LRRC7: variants seen among roughly 807,000 people sequenced by gnomAD.
LRRC7 encodes leucine rich repeat containing 7.
Under a neutral mutation model 175.7 loss-of-function variants are expected in LRRC7, and 23 were observed. The ratio of observed to expected loss-of-function variants is 0.13; its 90% CI spans 0.09 to 0.19. LRRC7 has a LOEUF of 0.19. LRRC7 is among the 10% of genes least tolerant of loss of function. The pLI is 1.00. For synonymous variants in LRRC7, 685 were observed against 680.9 expected (o/e 1.01, Z -0.09); for missense variants, 1,354 against 1,904.7 (o/e 0.71, Z 5.38).
At chr1:70,028,037 T>TAACA in intron 17 of LRRC7, 134 bp from the exon 18 acceptor site, 2 of 760,636 alleles carry the variant, frequency 2.6e-6, no homozygotes, top group Non-Finnish European at 2.2e-6. Flanking sequence ...TCCTACTCTA[T>TAACA]AACAGAGTTT....
chr1:69,638,097 T>C (rs927806042), intron 1 of LRRC7, among the ~76,000 whole-genome samples: 90 of 152,018 alleles, frequency 5.9e-4, no homozygotes, highest in African/African-American at 2.1e-3. Context: ...CAAATATTTC[T>C]TAGAGAATAG....
chr1:70,096,997 T>G lies in LRRC7; in HGVS notation c.4545+7178T>G, dbSNP rs552101530. ...TGTGGCATAATTATCCTCCTTTAAATACACTGTCAGTCTCAGATGTGTACA... is the reference window on the plus strand; with the variant it reads ...TGTGGCATAATTATCCTCCTTTAAAGACACTGTCAGTCTCAGATGTGTACA... On this transcript the variant is annotated intron_variant, in intron 25 of 26. Transcript: ENST00000651989. Among the ~76,000 whole-genome samples the G allele has an allele frequency of 7.9e-5, 12 of 152,360 alleles. No individual in the cohort carries two copies. The South Asian group carries it at 1.9e-3, about 24-fold the overall frequency.
intron 8 of LRRC7, among the ~76,000 whole-genome samples, chr1:69,963,194 A>G (rs769514570): frequency 1.3e-4 from 19 of 151,752 alleles, no homozygotes; most frequent in Non-Finnish European, 2.4e-4. Context: ...AATCCCAGCT[A>G]CTTGGGAGGC....
At chr1:70,034,892 C>T (rs1204174353) in intron 18 of LRRC7, among the ~76,000 whole-genome samples, 1 of 152,124 alleles carries the variant, frequency 6.6e-6, no homozygotes, top group Non-Finnish European at 1.5e-5. Context: ...AAAGATAGAA[C>T]TTAAACCAAG....
intron 7 of LRRC7, among the ~76,000 whole-genome samples, chr1:69,876,422 T>C (rs1686049301): frequency 6.6e-6 from 1 of 152,178 alleles, no homozygotes; most frequent in African/African-American, 2.4e-5. Context: ...AGACTGATAG[T>C]CTATATTTAT....
chr1:69,784,006 T>A, intron 3 of LRRC7, among the ~76,000 whole-genome samples: 1 of 152,108 alleles, frequency 6.6e-6, no homozygotes, highest in South Asian at 2.1e-4. Flanking sequence ...CCAAAAGCCA[T>A]GAACAATAGA....
intron 1 of LRRC7, among the ~76,000 whole-genome samples, chr1:69,644,794 C>G (rs1654763706): frequency 6.6e-6 from 1 of 151,876 alleles, no homozygotes; most frequent in African/African-American, 2.4e-5. Context: ...GCATCATTAA[C>G]AGATTAGGCT....
intron 1 of LRRC7, among the ~76,000 whole-genome samples, chr1:69,672,286 C>T (rs992669771): frequency 5.9e-5 from 9 of 152,110 alleles, no homozygotes; most frequent in Non-Finnish European, 1.3e-4. Flanking sequence ...AGTTCAGTTC[C>T]TCAGTCATAC....
At chr1:69,605,990 C>CT (rs1235399733) in intron 1 of LRRC7, among the ~76,000 whole-genome samples, 4 of 152,066 alleles carry the variant, frequency 2.6e-5, no homozygotes, top group Non-Finnish European at 5.9e-5. Flanking sequence ...CTAAAAGTCA[C>CT]TTTTTTATCT....
chr1:69,909,158 T>C (rs1162381807), intron 7 of LRRC7, among the ~76,000 whole-genome samples: 17 of 152,192 alleles, frequency 1.1e-4, no homozygotes, highest in Admixed American at 1.1e-3. Context: ...TGAGCCTATG[T>C]GTGTCTCTGC....
chr1:69,976,087 A>G (rs1291212298), intron 8 of LRRC7, among the ~76,000 whole-genome samples: 1 of 151,892 alleles, frequency 6.6e-6, no homozygotes, highest in African/African-American at 2.4e-5. Flanking sequence ...ATTTATCTTC[A>G]GCTCACTGTA....
intron 23 of LRRC7, among the ~76,000 whole-genome samples, chr1:70,067,191 C>T (rs1185644241): frequency 1.3e-5 from 2 of 152,024 alleles, no homozygotes; most frequent in Non-Finnish European, 2.9e-5. Flanking sequence ...GTACTATCCT[C>T]TATCAGATAC....
At chr1:70,082,437 G>A (rs1663271057) in intron 24 of LRRC7, among the ~76,000 whole-genome samples, 1 of 152,022 alleles carries the variant, frequency 6.6e-6, no homozygotes, top group Non-Finnish European at 1.5e-5. Context: ...CTTCAGTTCT[G>A]AATTTGTAAT....
intron 1 of LRRC7, among the ~76,000 whole-genome samples, chr1:69,570,608 AG>A (rs1235259893): frequency 6.6e-6 from 1 of 152,148 alleles, no homozygotes; most frequent in Admixed American, 6.5e-5. Flanking sequence ...GCCTCCGTCC[AG>A]GCTTCCTTGA....
chr1:69,684,935 T>A (rs1275651485), intron 2 of LRRC7, among the ~76,000 whole-genome samples: 1 of 152,164 alleles, frequency 6.6e-6, no homozygotes, highest in Non-Finnish European at 1.5e-5. Flanking sequence ...TGGGCAGACC[T>A]ATCTGGTGGT....
At chr1:69,657,303 T>G (rs227112) in intron 1 of LRRC7, among the ~76,000 whole-genome samples, 4,071 of 152,030 alleles carry the variant, frequency 0.027, 73 homozygotes, top group Non-Finnish European at 0.043. Context: ...TATAATTATT[T>G]AAGACAACAA....
At chr1:70,010,748 A>G (rs368977883) in intron 11 of LRRC7, among the ~76,000 whole-genome samples, 87 of 152,320 alleles carry the variant, frequency 5.7e-4, no homozygotes, top group African/African-American at 1.9e-3. Flanking sequence ...GCCAACTGCA[A>G]TGTATCTGGT....
intron 3 of LRRC7, among the ~76,000 whole-genome samples, chr1:69,786,423 T>A (rs1674427492): frequency 6.6e-6 from 1 of 152,086 alleles, no homozygotes; most frequent in Non-Finnish European, 1.5e-5. Flanking sequence ...CTCCATTCTT[T>A]CCCTTCCTTT....
rs546251146 is a variant in LRRC7, at chr1:69,582,646, A to G, written c.2+14005A>G. 2.0e-5 allele frequency among the ~76,000 whole-genome samples: 3 copies of G among 152,342 alleles called. No homozygotes were observed. In the East Asian group the frequency reaches 5.8e-4, roughly 29 times the overall value. ...GTGATGCCATCAGGAACTCCAAGTCATTCCAAATCTTTATCTATTTCTTTG... is the reference window on the plus strand; with the variant it reads ...GTGATGCCATCAGGAACTCCAAGTCGTTCCAAATCTTTATCTATTTCTTTG... On this transcript the variant is annotated intron_variant, in intron 1 of 26. Transcript: ENST00000651989.
Sources: gnomAD v4.1 joint callset for allele counts (sites outside exome capture counted in the v4.1 genomes callset) on GRCh38, gnomAD v4.1.1 for gene constraint, MANE v1.5 for transcripts, NCBI Gene and HGNC (gene_info 2026-07-23, HGNC 2026-07-21) for gene names.